The following SBF2 variants were observed in gnomAD, a reference collection of about 807,000 sequenced individuals.
SBF2 encodes the protein myotubularin-related protein 13.
In SBF2, 112 loss-of-function variants were observed where a neutral mutation model predicts 225.2. The observed-to-expected ratio is 0.50, with a 90% CI of 0.43 to 0.58. SBF2 has a LOEUF of 0.58. Among genes scored for constraint, SBF2 ranks in the 20% least tolerant of loss-of-function variants. The pLI, the probability that SBF2 is intolerant of heterozygous loss-of-function variation, is 0.00. For synonymous variants in SBF2, 763 were observed against 773.3 expected (o/e 0.99, Z 0.22); for missense variants, 1,996 against 2,206.2 (o/e 0.90, Z 1.91).
At chr11:9,854,568 G>T (rs987338700) in intron 19 of SBF2, among the ~76,000 whole-genome samples, 4 of 152,108 alleles carry the variant, frequency 2.6e-5, no homozygotes, top group African/African-American at 7.2e-5. Context: ...CATCTATAAT[G>T]ATTATTATTT....
intron 2 of SBF2, among the ~76,000 whole-genome samples, chr11:10,145,115 C>T (rs1418405252): frequency 1.3e-5 from 2 of 152,146 alleles, no homozygotes; most frequent in Non-Finnish European, 1.5e-5. Flanking sequence ...TTACAACGTC[C>T]AGGGCCTCAG....
upstream of SBF2, among the ~76,000 whole-genome samples, chr11:10,294,841 G>A (rs753710229): frequency 1.3e-4 from 20 of 152,180 alleles, no homozygotes; most frequent in Non-Finnish European, 2.5e-4. Context: ...GGATCCTCCC[G>A]AACTGGGCTG....
chr11:10,030,979 T>G (rs1377831667), intron 4 of SBF2, 69 bp downstream of exon 4: 3 of 1,345,356 alleles, frequency 2.2e-6, no homozygotes, highest in Admixed American at 1.8e-5. Context: ...CCAAAGAACT[T>G]GTACCATGGT....
intron 1 of SBF2, among the ~76,000 whole-genome samples, chr11:10,246,632 T>C (rs971606406): frequency 6.6e-6 from 1 of 152,216 alleles, no homozygotes; most frequent in African/African-American, 2.4e-5. Flanking sequence ...TCAATTGATA[T>C]ATGATAAAAA....
At chr11:9,955,009 A>T (rs534660949) in intron 16 of SBF2, among the ~76,000 whole-genome samples, 8 of 152,054 alleles carry the variant, frequency 5.3e-5, no homozygotes, top group Non-Finnish European at 1.2e-4. Flanking sequence ...AATGGTAACA[A>T]AGTAACTGTA....
chr11:10,234,816 A>T (rs1958999485), intron 1 of SBF2, among the ~76,000 whole-genome samples: 2 of 152,198 alleles, frequency 1.3e-5, no homozygotes, highest in African/African-American at 4.8e-5. Flanking sequence ...AACAAAGGGA[A>T]CAAGCTTAGT....
chr11:9,885,602 T>C (rs1380152136), intron 17 of SBF2, among the ~76,000 whole-genome samples: 3 of 152,152 alleles, frequency 2.0e-5, no homozygotes, highest in Admixed American at 6.6e-5. Context: ...AGTTCCTTTT[T>C]TGGTTTAGTG....
chr11:10,043,286 T>C (rs1476638462), intron 2 of SBF2, among the ~76,000 whole-genome samples: 2 of 152,078 alleles, frequency 1.3e-5, no homozygotes, highest in Non-Finnish European at 2.9e-5. Context: ...CCCCCAACTA[T>C]GAGAACAAAT....
intron 4 of SBF2, 149 bp from the exon 5 acceptor site, chr11:10,030,024 A>C: frequency 1.5e-6 from 1 of 654,444 alleles, no homozygotes. Flanking sequence ...GCAAAAATTA[A>C]GTTTATTAAA....
At chr11:10,006,152 C>A (rs918494930) in intron 6 of SBF2, among the ~76,000 whole-genome samples, 1 of 152,182 alleles carries the variant, frequency 6.6e-6, no homozygotes, top group Non-Finnish European at 1.5e-5. Context: ...CCTTGTACAC[C>A]CTCCGGACCG....
At chr11:9,872,257 G>T (rs1452981271) in intron 17 of SBF2, among the ~76,000 whole-genome samples, 2 of 152,138 alleles carry the variant, frequency 1.3e-5, no homozygotes, top group African/African-American at 2.4e-5. Context: ...TTATAGGCGG[G>T]AGCTGAAAGA....
chr11:10,044,201 G>C (rs1054230018), intron 2 of SBF2, among the ~76,000 whole-genome samples: 2 of 151,312 alleles, frequency 1.3e-5, no homozygotes, highest in African/African-American at 2.4e-5. Flanking sequence ...AAAATAAAAG[G>C]CTGCTTCTTT....
At chr11:9,917,915 T>C (rs562560618) in intron 16 of SBF2, among the ~76,000 whole-genome samples, 1 of 151,656 alleles carries the variant, frequency 6.6e-6, no homozygotes, top group East Asian at 1.9e-4. Flanking sequence ...AGCATGATCC[T>C]CTTCCACACT....
chr11:9,974,950 A>G, intron 13 of SBF2, among the ~76,000 whole-genome samples: 1 of 138,642 alleles, frequency 7.2e-6, no homozygotes, highest in South Asian at 2.4e-4. Context: ...ACAACAGCGA[A>G]ACTTTGACTC....
At chr11:10,002,475 AT>A (rs1302500076) in intron 7 of SBF2, 81 bp downstream of exon 7, 1 of 1,140,146 alleles carries the variant, frequency 8.8e-7, no homozygotes, top group Non-Finnish European at 1.3e-6. Flanking sequence ...GTTCAAAACC[AT>A]TGTGCCATAA....
At chr11:9,822,781 G>T (rs561283201) in intron 28 of SBF2, among the ~76,000 whole-genome samples, 1 of 152,324 alleles carries the variant, frequency 6.6e-6, no homozygotes, top group Non-Finnish European at 1.5e-5. Flanking sequence ...TAGGTCACAT[G>T]TGGGGCCTTA....
intron 16 of SBF2, among the ~76,000 whole-genome samples, chr11:9,909,527 G>A (rs961342214): frequency 1.6e-4 from 25 of 151,910 alleles, no homozygotes; most frequent in Non-Finnish European, 2.8e-4. Context: ...AAAATTAGCC[G>A]GGCGTGGTGG....
intron 1 of SBF2, among the ~76,000 whole-genome samples, chr11:10,283,416 G>A (rs1305754078): frequency 6.6e-6 from 1 of 152,048 alleles, no homozygotes; most frequent in Non-Finnish European, 1.5e-5. Flanking sequence ...TATTTCAGGT[G>A]TTATACATAA....
chr11:10,078,618 AGG>A (rs1333011257), intron 2 of SBF2, among the ~76,000 whole-genome samples: 1 of 146,438 alleles, frequency 6.8e-6, no homozygotes. Flanking sequence ...ATCACACATC[AGG>A]GCCTATCGGG....
Sources: gnomAD v4.1 joint callset for allele counts (sites outside exome capture counted in the v4.1 genomes callset) on GRCh38, gnomAD v4.1.1 for gene constraint, MANE v1.5 for transcripts, NCBI Gene and HGNC (gene_info 2026-07-23, HGNC 2026-07-21) for gene names.